DGKG: variants seen among roughly 807,000 people sequenced by gnomAD.
The protein encoded by DGKG is DAG kinase gamma.
Under a neutral mutation model 105.3 loss-of-function variants are expected in DGKG, and 78 were observed. The observed-to-expected ratio is 0.74, with a 90% CI of 0.62 to 0.89. The LOEUF (loss-of-function observed/expected upper bound fraction) is 0.89, where lower values mean the gene tolerates loss of function less well. Among genes scored for constraint, DGKG ranks in the 40% least tolerant of loss-of-function variants. DGKG has a pLI of 0.00. For missense variants in DGKG, 958 were observed against 1,020.1 expected (o/e 0.94, Z 0.83); for synonymous variants, 346 against 367.1 (o/e 0.94, Z 0.66).
chr3:186,356,250 G>T (rs1726950775), intron 1 of DGKG, among the ~76,000 whole-genome samples: 1 of 152,180 alleles, frequency 6.6e-6, no homozygotes, highest in South Asian at 2.1e-4. Context: ...AGATGAAGAG[G>T]TCGTGCTCAT....
At chr3:186,318,803 A>G (rs1724939230) in intron 2 of DGKG, among the ~76,000 whole-genome samples, 1 of 152,172 alleles carries the variant, frequency 6.6e-6, no homozygotes, top group South Asian at 2.1e-4. Context: ...GAACTTTGAG[A>G]CTATAAGGCT....
intron 22 of DGKG, among the ~76,000 whole-genome samples, chr3:186,172,441 A>G (rs1716870320): frequency 1.3e-5 from 2 of 152,154 alleles, no homozygotes; most frequent in Admixed American, 1.3e-4. Context: ...TTTCTAAACC[A>G]CACCACCATG....
intron 20 of DGKG, among the ~76,000 whole-genome samples, chr3:186,230,070 C>T (rs930285495): frequency 2.0e-5 from 3 of 152,146 alleles, no homozygotes; most frequent in East Asian, 1.9e-4. Flanking sequence ...CCATCCTGGC[C>T]AACATGGTGA....
chr3:186,334,330 A>G (rs1185416163), intron 1 of DGKG, among the ~76,000 whole-genome samples: 4 of 152,176 alleles, frequency 2.6e-5, no homozygotes, highest in Non-Finnish European at 5.9e-5. Context: ...TACAGAGATT[A>G]TTAGTACCAT....
rs144090329 is a variant in DGKG at position 186,229,149 on chromosome 3, G to A, written c.1826+13355C>T. Among the ~76,000 whole-genome samples the A allele has an allele frequency of 7.5e-3, 1,143 of 152,180 alleles. 8 individuals carry two copies. Among genetic ancestry groups the A allele is most frequent in the Middle Eastern group, 0.058 (17 of 294 alleles). On this transcript the variant is annotated intron_variant, in intron 20 of 24. Transcript: ENST00000265022. ...TACAAGCTAAGGATGTCAGACTGGC[G>A]GCAACCTCTAGAAGCAAGGAGAGAG... is the stretch of plus-strand genomic sequence containing the variant.
At chr3:186,155,065 G>A (rs1313800383) in intron 24 of DGKG, among the ~76,000 whole-genome samples, 4 of 152,150 alleles carry the variant, frequency 2.6e-5, no homozygotes, top group Admixed American at 2.0e-4. Flanking sequence ...GGTGAAGCAC[G>A]AGAGATCATC....
chr3:186,357,352 T>G (rs1275654303), intron 1 of DGKG, among the ~76,000 whole-genome samples: 2 of 152,056 alleles, frequency 1.3e-5, no homozygotes, highest in African/African-American at 4.8e-5. Flanking sequence ...GCCAAGATGG[T>G]GGCAATCCTA....
chr3:186,349,488 T>A (rs1726522130), intron 1 of DGKG, among the ~76,000 whole-genome samples: 1 of 152,268 alleles, frequency 6.6e-6, no homozygotes, highest in South Asian at 2.1e-4. Context: ...TCCTGCTATA[T>A]CCTCTTAAAT....
chr3:186,299,330 G>T (rs1270344342), intron 3 of DGKG, among the ~76,000 whole-genome samples: 1 of 152,184 alleles, frequency 6.6e-6, no homozygotes, highest in African/African-American at 2.4e-5. Flanking sequence ...TCTGGGAGAC[G>T]TCCCAGAACC....
chr3:186,265,039 G>C (rs1162715696), intron 14 of DGKG, among the ~76,000 whole-genome samples: 2 of 152,238 alleles, frequency 1.3e-5, no homozygotes, highest in Non-Finnish European at 2.9e-5. Flanking sequence ...AATGGGATCA[G>C]TCAACCTTTC....
intron 2 of DGKG, among the ~76,000 whole-genome samples, chr3:186,318,756 C>T (rs1480292838): frequency 2.6e-5 from 4 of 152,166 alleles, no homozygotes; most frequent in South Asian, 2.1e-4. Context: ...AAGGAGCCAG[C>T]GCCGCTGACT....
chr3:186,285,583 C>T (rs1250258113), intron 6 of DGKG, among the ~76,000 whole-genome samples: 1 of 152,070 alleles, frequency 6.6e-6, no homozygotes, highest in Non-Finnish European at 1.5e-5. Context: ...TTTTACTCAA[C>T]CAAAAGGAAA....
At chr3:186,355,169 C>T (rs1405160573) in intron 1 of DGKG, among the ~76,000 whole-genome samples, 3 of 33,072 alleles carry the variant, frequency 9.1e-5, no homozygotes, top group Non-Finnish European at 1.7e-4. Flanking sequence ...CACCATCACC[C>T]CCACAACTAT....
At chr3:186,299,956 T>A (rs1723842554) in intron 3 of DGKG, among the ~76,000 whole-genome samples, 1 of 151,676 alleles carries the variant, frequency 6.6e-6, no homozygotes, top group Non-Finnish European at 1.5e-5. Flanking sequence ...CGCCTCAGCC[T>A]CCTCCCAAGT....
chr3:186,312,781 A>T (rs1264706819), intron 2 of DGKG, among the ~76,000 whole-genome samples: 1 of 152,258 alleles, frequency 6.6e-6, no homozygotes, highest in Non-Finnish European at 1.5e-5. Flanking sequence ...GTCAAAACAG[A>T]AGGGCCAGGG....
intron 3 of DGKG, among the ~76,000 whole-genome samples, chr3:186,305,694 T>G (rs1158815327): frequency 6.6e-6 from 1 of 152,080 alleles, no homozygotes; most frequent in Non-Finnish European, 1.5e-5. Flanking sequence ...ATGACTCAGG[T>G]CGGGATGCTA....
chr3:186,313,107 A>G (rs1022468848), intron 2 of DGKG, among the ~76,000 whole-genome samples: 1 of 152,266 alleles, frequency 6.6e-6, no homozygotes. Flanking sequence ...ACTAGTGGTT[A>G]TCAACCTTGG....
intron 22 of DGKG, among the ~76,000 whole-genome samples, chr3:186,169,258 T>C (rs1716702400): frequency 6.6e-6 from 1 of 152,234 alleles, no homozygotes; most frequent in Non-Finnish European, 1.5e-5. Context: ...TAAACTTACT[T>C]GTATAGCATT....
chr3:186,336,157 A>G (rs1560161481), intron 1 of DGKG, among the ~76,000 whole-genome samples: 1 of 152,112 alleles, frequency 6.6e-6, no homozygotes, highest in Non-Finnish European at 1.5e-5. Context: ...TCTCACCCCA[A>G]CTGGGAGCAA....
Sources: gnomAD v4.1 joint callset for allele counts (sites outside exome capture counted in the v4.1 genomes callset) on GRCh38, gnomAD v4.1.1 for gene constraint, MANE v1.5 for transcripts, NCBI Gene and HGNC (gene_info 2026-07-23, HGNC 2026-07-21) for gene names.